DAPK2: variants seen among roughly 807,000 people sequenced by gnomAD.
DAPK2 encodes the protein death-associated protein kinase 2.
A neutral mutation model predicts 44.1 loss-of-function variants in DAPK2; 35 were observed. The ratio of observed to expected loss-of-function variants is 0.79; its 90% confidence interval spans 0.61 to 1.05. The LOEUF (loss-of-function observed/expected upper bound fraction) is 1.05. DAPK2 is among the 50% of genes least tolerant of loss of function. The pLI is 0.00. For synonymous variants in DAPK2, 174 were observed against 182.6 expected (o/e 0.95, Z 0.38); for missense variants, 453 against 483.2 (o/e 0.94, Z 0.59).
At chr15:63,961,248 GA>G (rs1251238224) in intron 3 of DAPK2, among the ~76,000 whole-genome samples, 1 of 152,114 alleles carries the variant, frequency 6.6e-6, no homozygotes, top group East Asian at 1.9e-4. Context: ...CTCTGTACGT[GA>G]GATGGATCTC....
intron 3 of DAPK2, among the ~76,000 whole-genome samples, chr15:63,941,188 T>G (rs1329722763): frequency 6.6e-6 from 1 of 152,202 alleles, no homozygotes; most frequent in Non-Finnish European, 1.5e-5. Flanking sequence ...CTCTGTCCAT[T>G]GAAATCCTAG....
At chr15:64,008,462 T>C (rs1421202970) in intron 1 of DAPK2, among the ~76,000 whole-genome samples, 1 of 152,208 alleles carries the variant, frequency 6.6e-6, no homozygotes, top group Non-Finnish European at 1.5e-5. Flanking sequence ...AGGTGCATTG[T>C]ATTCTGGGAA....
At chr15:64,045,841 C>T (rs2080449732) in intron 1 of DAPK2, among the ~76,000 whole-genome samples, 1 of 152,238 alleles carries the variant, frequency 6.6e-6, no homozygotes. Context: ...GGGACCCCAG[C>T]TTCATTCAGC....
chr15:64,033,373 G>A (rs1007206481), intron 1 of DAPK2, among the ~76,000 whole-genome samples: 9 of 151,074 alleles, frequency 6.0e-5, no homozygotes, highest in African/African-American at 2.2e-4. Flanking sequence ...TGATCCACCC[G>A]CCTCGGCCTC....
chr15:63,947,715 T>TAGTCACA (rs2077485293), intron 3 of DAPK2, among the ~76,000 whole-genome samples: 1 of 152,226 alleles, frequency 6.6e-6, no homozygotes, highest in African/African-American at 2.4e-5. Flanking sequence ...ATAGTCTCTG[T>TAGTCACA]GACTATTTCC....
intron 8 of DAPK2, chr15:63,920,144 G>A (rs1303907411): frequency 6.6e-6 from 1 of 152,222 alleles, no homozygotes; most frequent in Non-Finnish European, 1.5e-5. Context: ...CAGAAGGCAG[G>A]TGCTCCGGGA....
intron 3 of DAPK2, among the ~76,000 whole-genome samples, chr15:63,959,438 T>C (rs951815268): frequency 3.7e-4 from 57 of 152,196 alleles, no homozygotes; most frequent in African/African-American, 1.4e-3. Flanking sequence ...GTGCCAGTTT[T>C]CAAAGGGAAT....
At chr15:63,928,762 A>G (rs2079399282) in intron 6 of DAPK2, among the ~76,000 whole-genome samples, 2 of 152,172 alleles carry the variant, frequency 1.3e-5, no homozygotes, top group African/African-American at 2.4e-5. Context: ...TGTCTAAGCA[A>G]CTGAGTACTT....
At position 64,039,430 on chromosome 15, in the gene DAPK2, C is replaced by T. The variant is rs370540994; in HGVS notation, c.92+740G>A. 5.6e-4 allele frequency among the ~76,000 whole-genome samples: 85 copies of T among 152,314 alleles called. 1 individual carries two copies. The highest frequency in any genetic ancestry group is 2.0e-3 in the African/African-American group (84 of 41,574). ...TGGGCAACTTGCCCAAACGCTGGACCACAGTTTCCTCATCTGGAAAAGGAG... is the reference window on the plus strand; with the variant it reads ...TGGGCAACTTGCCCAAACGCTGGACTACAGTTTCCTCATCTGGAAAAGGAG... On this transcript the variant is annotated intron_variant, in intron 1 of 10. Transcript: ENST00000261891.
rs569258208 is a variant in DAPK2 at position 63,949,727 on chromosome 15, G to A, written c.454-10366C>T. ...CAGTGTTTAGAAAACCAATGCTACA[G>A]AGGGCCCCATCCTTAGGTAGATAGG... On this transcript the variant is annotated intron_variant, in intron 3 of 10. Coordinates refer to ENST00000261891, the Ensembl canonical transcript of DAPK2. 3.3e-5 allele frequency among the ~76,000 whole-genome samples: 5 copies of A among 152,330 alleles called. No homozygotes were observed. In the South Asian group the frequency reaches 1.0e-3, roughly 32 times the overall value.
At position 64,013,359 on chromosome 15, in the gene DAPK2, T is replaced by C. The variant is rs954456088; in HGVS notation, c.92+26811A>G. On this transcript the variant is annotated intron_variant, in intron 1 of 10. Transcript: ENST00000261891. This position sits in a 1 kb window ranked among gnomAD's most constrained non-coding sequence, Gnocchi z 4.7. Reference sequence around the variant, plus strand: ...CAAGTCACAAGACATTAAGTGAATGTGGGCAGTCTTAAGAGGCCAGGAACT... The same window carrying C: ...CAAGTCACAAGACATTAAGTGAATGCGGGCAGTCTTAAGAGGCCAGGAACT... Among the ~76,000 whole-genome samples the C allele has an allele frequency of 9.2e-5, 14 of 152,336 alleles. No homozygotes were observed. Among genetic ancestry groups the C allele is most frequent in the Non-Finnish European group, 1.8e-4 (12 of 68,026 alleles).
chr15:63,948,247 CATG>C (rs2140507751), intron 3 of DAPK2, among the ~76,000 whole-genome samples: 1 of 116,080 alleles, frequency 8.6e-6, no homozygotes, highest in African/African-American at 3.4e-5. Flanking sequence ...TTCCAGCCTG[CATG>C]ATGGAGTGAG....
At chr15:63,998,112 C>G (rs889969249) in intron 1 of DAPK2, among the ~76,000 whole-genome samples, 1 of 152,188 alleles carries the variant, frequency 6.6e-6, no homozygotes, top group Admixed American at 6.5e-5. Flanking sequence ...AGCACAGAGC[C>G]TGACATATCC....
intron 3 of DAPK2, among the ~76,000 whole-genome samples, chr15:63,964,452 C>A (rs1055601627): frequency 3.3e-5 from 5 of 152,088 alleles, no homozygotes; most frequent in African/African-American, 1.2e-4. Flanking sequence ...GTTTAACCTT[C>A]TTTGTGTTCT....
chr15:63,999,030 T>C (rs1187313266), intron 1 of DAPK2, among the ~76,000 whole-genome samples: 1 of 152,148 alleles, frequency 6.6e-6, no homozygotes, highest in Admixed American at 6.5e-5. Flanking sequence ...TGTGAAATTT[T>C]CTACCTGCCA....
intron 4 of DAPK2, chr15:63,932,415 G>A (rs2076987419): frequency 8.1e-6 from 1 of 122,888 alleles, no homozygotes; most frequent in Non-Finnish European, 1.6e-5. Flanking sequence ...CAGTTGAGCT[G>A]AAATTGTGCC....
At chr15:64,016,838 GGGAAGGAAGGAAGGAAGGAA>G (rs56666247) in intron 1 of DAPK2, among the ~76,000 whole-genome samples, 2,998 of 118,154 alleles carry the variant, frequency 0.025, 50 homozygotes, top group South Asian at 0.057. Flanking sequence ...GAAGGAAGGA[GGGAAGGAAGGAAGGAAGGAA>G]GGAAGGAAGG....
chr15:63,992,906 A>G (rs1436338428), intron 1 of DAPK2, among the ~76,000 whole-genome samples: 1 of 152,254 alleles, frequency 6.6e-6, no homozygotes, highest in Non-Finnish European at 1.5e-5. Flanking sequence ...AAAGCCCAGG[A>G]GACAGAACCA....
rs1250976564 is a variant in DAPK2, at chr15:63,990,178, A to G, written c.93-6424T>C. Among the ~76,000 whole-genome samples, 2 of 152,158 alleles carry G rather than the reference A, an allele frequency of 1.3e-5. No individual in the cohort carries two copies. The highest frequency in any genetic ancestry group is 2.9e-5 in the Non-Finnish European group (2 of 68,024). On this transcript the variant is annotated intron_variant, in intron 1 of 10. Coordinates refer to ENST00000261891, the Ensembl canonical transcript of DAPK2. The surrounding 1 kb of genome is among the most constrained non-coding windows in gnomAD (Gnocchi z 4.3). ...TCTATGGGCTGGGTGTGGTTGTTGTAATCCCAGCACTCTGGGAGGCGGGAG... is the reference window on the plus strand; with the variant it reads ...TCTATGGGCTGGGTGTGGTTGTTGTGATCCCAGCACTCTGGGAGGCGGGAG...
Sources: allele counts gnomAD v4.1 joint callset (sites outside exome capture counted in the v4.1 genomes callset), GRCh38; gene constraint gnomAD v4.1.1; non-coding constraint Gnocchi (gnomAD v3.1); transcripts MANE v1.5; gene names NCBI Gene and HGNC (gene_info 2026-07-23, HGNC 2026-07-21).